Variants in CCSER1 observed in about 807,000 individuals in gnomAD.
CCSER1 encodes the protein serine-rich coiled-coil domain-containing protein 1.
A neutral mutation model predicts 82.0 loss-of-function variants in CCSER1; 41 were observed. The ratio of observed to expected loss-of-function variants is 0.50; its 90% CI spans 0.39 to 0.65. The LOEUF is 0.65. Among genes scored for constraint, CCSER1 ranks in the 30% least tolerant of loss-of-function variants. The pLI is 0.00. For synonymous variants in CCSER1, 414 were observed against 383.9 expected, an observed-to-expected ratio of 1.08 and a Z score of -0.92; for missense variants, 1,119 against 1,064.2, an observed-to-expected ratio of 1.05 and a Z score of -0.72.
chr4:90,482,445 T>C (rs1766183898), intron 5 of CCSER1, among the ~76,000 whole-genome samples: 2 of 152,204 alleles, frequency 1.3e-5, no homozygotes, highest in African/African-American at 2.4e-5. Flanking sequence ...GCTTCTCTAG[T>C]TGTTTTAATT....
chr4:90,747,415 A>G (rs1001719763), intron 7 of CCSER1, among the ~76,000 whole-genome samples: 2 of 152,180 alleles, frequency 1.3e-5, no homozygotes, highest in African/African-American at 2.4e-5. Flanking sequence ...TCAGCAAACT[A>G]TAGCAACAAA....
chr4:90,469,900 T>C (rs539769360), intron 5 of CCSER1, among the ~76,000 whole-genome samples: 2 of 152,282 alleles, frequency 1.3e-5, no homozygotes, highest in South Asian at 4.1e-4. Context: ...TTTGCAATAT[T>C]TGTATTATAT....
intron 5 of CCSER1, among the ~76,000 whole-genome samples, chr4:90,473,052 G>A (rs1214429252): frequency 6.6e-6 from 1 of 152,076 alleles, no homozygotes; most frequent in Non-Finnish European, 1.5e-5. Flanking sequence ...ACTGTTAAAA[G>A]TATAACCAAG....
rs182719396 is a variant in CCSER1, at chr4:91,049,804, G to T, written c.2173-36146G>T. 3.5e-4 allele frequency among the ~76,000 whole-genome samples: 54 copies of T among 152,296 alleles called. No homozygotes were observed. The East Asian group carries it at 0.01, about 28-fold the overall frequency. On this transcript the variant is annotated intron_variant, in intron 9 of 10. Coordinates refer to ENST00000509176, the MANE Select transcript of CCSER1 (RefSeq NM_001145065.2). Reference sequence around the variant, plus strand: ...AATTTTATGAAATACTTCTTTTAAAGAGGCAGCATTACTTCATTTGTAATT... The same window carrying T: ...AATTTTATGAAATACTTCTTTTAAATAGGCAGCATTACTTCATTTGTAATT...
chr4:91,284,865 T>C (rs1039517850), intron 10 of CCSER1, among the ~76,000 whole-genome samples: 1 of 152,118 alleles, frequency 6.6e-6, no homozygotes, highest in Non-Finnish European at 1.5e-5. Flanking sequence ...TGACATTCAC[T>C]GAGAAGGATC....
rs544671453 is a variant in CCSER1 at position 90,990,521 on chromosome 4, C to T, written c.2172+67074C>T. On this transcript the variant is annotated intron_variant, in intron 9 of 10. Coordinates refer to ENST00000509176, the MANE Select transcript of CCSER1 (RefSeq NM_001145065.2). ...GCTTTATCAGACTCTGCTTATCAGA[C>T]TCTGCAATTGCTTTGAGCTTGCAGT... Among the ~76,000 whole-genome samples the T allele has an allele frequency of 9.2e-5, 14 of 152,090 alleles. No individual in the cohort carries two copies. The South Asian group carries it at 1.4e-3, about 16-fold the overall frequency.
intron 10 of CCSER1, among the ~76,000 whole-genome samples, chr4:91,518,228 T>C (rs1371987365): frequency 6.6e-6 from 1 of 152,146 alleles, no homozygotes; most frequent in African/African-American, 2.4e-5. Flanking sequence ...GATTTTCACT[T>C]GTCTCTTGGG....
chr4:90,981,550 C>T (rs561488445), intron 9 of CCSER1, among the ~76,000 whole-genome samples: 17 of 151,812 alleles, frequency 1.1e-4, no homozygotes, highest in Non-Finnish European at 2.1e-4. Context: ...TAAGTTTAAA[C>T]ATCACAAGGG....
intron 3 of CCSER1, among the ~76,000 whole-genome samples, chr4:90,336,997 G>A (rs1009988712): frequency 3.3e-5 from 5 of 152,124 alleles, no homozygotes; most frequent in Non-Finnish European, 5.9e-5. Context: ...GCAAGACAAG[G>A]TAATATCTGG....
chr4:90,624,188 A>G (rs1722873875), intron 5 of CCSER1, among the ~76,000 whole-genome samples: 2 of 152,204 alleles, frequency 1.3e-5, no homozygotes, highest in Admixed American at 1.3e-4. Flanking sequence ...GCTTTTGGCC[A>G]TAGACATTCC....
At chr4:91,489,796 A>ATAATAAAAATAAATAAAT (rs70965501) in intron 10 of CCSER1, among the ~76,000 whole-genome samples, 109,000 of 151,418 alleles carry the variant, frequency 0.72, 40,325 homozygotes, top group East Asian at 0.93. Context: ...TTAAAATAAA[A>ATAATAAAAATAAATAAAT]AAAAGATTGA....
chr4:90,489,631 A>G (rs1043473511), intron 5 of CCSER1, among the ~76,000 whole-genome samples: 4 of 152,078 alleles, frequency 2.6e-5, no homozygotes, highest in African/African-American at 4.8e-5. Context: ...TTAACTCGTC[A>G]TTTACATTAG....
chr4:91,316,511 G>T (rs932018647), intron 10 of CCSER1, among the ~76,000 whole-genome samples: 1 of 152,012 alleles, frequency 6.6e-6, no homozygotes, highest in African/African-American at 2.4e-5. Flanking sequence ...GACTGCAATT[G>T]ATTGTAAAGT....
intron 1 of CCSER1, among the ~76,000 whole-genome samples, chr4:90,130,735 T>A (rs1456191088): frequency 6.6e-6 from 1 of 151,830 alleles, no homozygotes; most frequent in African/African-American, 2.4e-5. Context: ...GTGATTCTCC[T>A]GCCTCAGCCT....
Position 90,155,650 on chromosome 4 carries a change from T to C in CCSER1, c.-42+27819T>C, listed in dbSNP as rs1317863585. ...GGAATTTATCCATTTCTTCTAGATT[T>C]TCTAGTTTATTTGCATAGAGGTGTT... On this transcript the variant is annotated intron_variant, in intron 1 of 10. Transcript: ENST00000509176. Among the ~76,000 whole-genome samples, 4 of 152,228 alleles carry C rather than the reference T, an allele frequency of 2.6e-5. 1 individual carries two copies. Among genetic ancestry groups the C allele is most frequent in the Non-Finnish European group, 5.9e-5 (4 of 68,044 alleles).
At chr4:90,545,846 A>C (rs993561121) in intron 5 of CCSER1, among the ~76,000 whole-genome samples, 2 of 152,190 alleles carry the variant, frequency 1.3e-5, no homozygotes, top group Non-Finnish European at 2.9e-5. Flanking sequence ...TTTCACTGTC[A>C]AATACATTTG....
rs1466532905 is a variant in CCSER1 at position 91,523,652 on chromosome 4, T to G, written c.2218-74920T>G. Among the ~76,000 whole-genome samples the G allele has an allele frequency of 2.0e-5, 3 of 152,316 alleles. No homozygotes were observed. The East Asian group carries it at 5.8e-4, about 29-fold the overall frequency. ...ATCCTTTTCTTTTAGATTTTCTAGT[T>G]TATTTGCGTAGAGGTGTTTCTGGTA... On this transcript the variant is annotated intron_variant, in intron 10 of 10. Transcript: ENST00000509176.
intron 10 of CCSER1, among the ~76,000 whole-genome samples, chr4:91,197,111 A>G (rs1051090815): frequency 2.0e-5 from 3 of 152,196 alleles, no homozygotes; most frequent in Admixed American, 6.5e-5. Flanking sequence ...CTACATTGCC[A>G]AGGGGGCAGT....
At chr4:90,849,559 G>A (rs1437421219) in intron 8 of CCSER1, among the ~76,000 whole-genome samples, 1 of 152,126 alleles carries the variant, frequency 6.6e-6, no homozygotes. Flanking sequence ...GGAGGCTGAG[G>A]TGGGTGGATC....
Sources: allele counts gnomAD v4.1 joint callset (sites outside exome capture counted in the v4.1 genomes callset), GRCh38; gene constraint gnomAD v4.1.1; transcripts MANE v1.5; gene names NCBI Gene and HGNC (gene_info 2026-07-23, HGNC 2026-07-21).